Variants in CDH20 observed in about 807,000 individuals in gnomAD.
CDH20 encodes the protein cadherin 20.
In CDH20, 29 loss-of-function variants were observed where a neutral mutation model predicts 74.2. The ratio of observed to expected loss-of-function variants is 0.39; its 90% confidence interval spans 0.29 to 0.53. The LOEUF (loss-of-function observed/expected upper bound fraction) is 0.53, where lower values mean the gene tolerates loss of function less well. Among genes scored for constraint, CDH20 ranks in the 20% least tolerant of loss-of-function variants. The probability of loss-of-function intolerance (pLI) is 0.69; values close to 1 mark genes in which losing one functional copy is unlikely to be tolerated. For synonymous variants in CDH20, 469 were observed against 405.4 expected, an observed-to-expected ratio of 1.16 and a Z score of -1.88; for missense variants, 988 against 1,048.3, an observed-to-expected ratio of 0.94 and a Z score of 0.79.
At chr18:61,348,453 AC>A (rs1910203764) in intron 1 of CDH20, among the ~76,000 whole-genome samples, 2 of 152,062 alleles carry the variant, frequency 1.3e-5, no homozygotes, top group African/African-American at 2.4e-5. Flanking sequence ...TTTCTCTCCC[AC>A]CAGCTGAGTC....
chr18:61,415,504 A>C (rs1257764251), intron 1 of CDH20, among the ~76,000 whole-genome samples: 1 of 152,180 alleles, frequency 6.6e-6, no homozygotes, highest in Non-Finnish European at 1.5e-5. Flanking sequence ...GAATGAAAAT[A>C]CCATATTTTC....
chr18:61,482,445 G>T (rs988915664), intron 1 of CDH20, among the ~76,000 whole-genome samples: 3 of 152,190 alleles, frequency 2.0e-5, no homozygotes, highest in Admixed American at 2.0e-4. Context: ...TGTTTCAGAC[G>T]TCTGGCCAAT....
intron 7 of CDH20, 78 bp downstream of exon 7, chr18:61,528,298 C>G: frequency 6.9e-7 from 1 of 1,450,152 alleles, no homozygotes; most frequent in Non-Finnish European, 9.4e-7. Flanking sequence ...AGCACTTTTC[C>G]CTTTGTTTCT....
At position 61,441,498 on chromosome 18, in the gene CDH20, T is replaced by A. The variant is rs983584080; in HGVS notation, c.-152-48904T>A. Among the ~76,000 whole-genome samples, 21 of 152,324 alleles carry A rather than the reference T, an allele frequency of 1.4e-4. 1 individual carries two copies. In the South Asian group the frequency reaches 2.5e-3, roughly 18 times the overall value. On this transcript the variant is annotated intron_variant, in intron 1 of 11. Transcript: ENST00000262717. ...GCTTATCCAGATACTGTCCTTTTTATTAGGTGAACCAAATAAGCAATAAAT... is the reference window on the plus strand; with the variant it reads ...GCTTATCCAGATACTGTCCTTTTTAATAGGTGAACCAAATAAGCAATAAAT...
At chr18:61,356,753 CAAAAA>C (rs1392108565) in intron 1 of CDH20, among the ~76,000 whole-genome samples, 2 of 151,548 alleles carry the variant, frequency 1.3e-5, no homozygotes, top group Admixed American at 1.3e-4. Flanking sequence ...GCAAAGGAAA[CAAAAA>C]AGAGGGGAAA....
intron 6 of CDH20, 38 bp from the exon 7 acceptor site, chr18:61,527,929 C>T: frequency 6.2e-7 from 1 of 1,609,336 alleles, no homozygotes; most frequent in South Asian, 1.1e-5. Context: ...AATCTTGAAC[C>T]TCAGTGGCGA....
intron 1 of CDH20, among the ~76,000 whole-genome samples, chr18:61,349,668 A>G (rs1910241962): frequency 6.6e-6 from 1 of 152,076 alleles, no homozygotes; most frequent in East Asian, 1.9e-4. Flanking sequence ...TTCAAGCCAT[A>G]TCTCTCCTAA....
At chr18:61,530,723 T>C (rs1446803905) in intron 7 of CDH20, among the ~76,000 whole-genome samples, 5 of 152,226 alleles carry the variant, frequency 3.3e-5, no homozygotes, top group Admixed American at 2.6e-4. Flanking sequence ...GAATTTTTAA[T>C]ACATGCTCAA....
At chr18:61,494,022 G>T (rs1363720584) in intron 2 of CDH20, among the ~76,000 whole-genome samples, 5 of 152,124 alleles carry the variant, frequency 3.3e-5, no homozygotes, top group Non-Finnish European at 7.4e-5. Flanking sequence ...ACTATGTGTC[G>T]GTCACAATCA....
intron 9 of CDH20, among the ~76,000 whole-genome samples, chr18:61,543,630 CCA>C (rs932943546): frequency 3.3e-5 from 5 of 151,114 alleles, no homozygotes; most frequent in Admixed American, 2.6e-4. Context: ...TCTCCCCACT[CCA>C]GAGTTCTGCT....
At chr18:61,463,177 C>A (rs532910086) in intron 1 of CDH20, among the ~76,000 whole-genome samples, 3 of 152,250 alleles carry the variant, frequency 2.0e-5, no homozygotes, top group Non-Finnish European at 2.9e-5. Flanking sequence ...CCTCTGGGAT[C>A]CTTCTCGCTT....
At chr18:61,419,443 G>T (rs1171039959) in intron 1 of CDH20, among the ~76,000 whole-genome samples, 1 of 152,076 alleles carries the variant, frequency 6.6e-6, no homozygotes. Flanking sequence ...GTGTACAAAA[G>T]TTTTCAAAAT....
At chr18:61,452,690 C>T (rs1909434488) in intron 1 of CDH20, among the ~76,000 whole-genome samples, 1 of 150,584 alleles carries the variant, frequency 6.6e-6, no homozygotes, top group Non-Finnish European at 1.5e-5. Context: ...CTTTGAATTA[C>T]TTGTATTTTT....
At chr18:61,449,733 T>C (rs1356873137) in intron 1 of CDH20, among the ~76,000 whole-genome samples, 1 of 151,618 alleles carries the variant, frequency 6.6e-6, no homozygotes, top group Non-Finnish European at 1.5e-5. Context: ...TGTTGCTTAA[T>C]AAGACAGCCC....
intron 1 of CDH20, among the ~76,000 whole-genome samples, chr18:61,434,949 C>T (rs1032991792): frequency 1.3e-5 from 2 of 152,060 alleles, no homozygotes; most frequent in African/African-American, 4.8e-5. Context: ...TCCTAGAGTT[C>T]CTGTGTTTAC....
At chr18:61,529,184 C>T (rs1912555064) in intron 7 of CDH20, among the ~76,000 whole-genome samples, 1 of 152,176 alleles carries the variant, frequency 6.6e-6, no homozygotes, top group Non-Finnish European at 1.5e-5. Context: ...CCAAGGATGT[C>T]GGAAGCCATC....
intron 1 of CDH20, among the ~76,000 whole-genome samples, chr18:61,478,103 A>T (rs1256398304): frequency 6.6e-6 from 1 of 152,048 alleles, no homozygotes; most frequent in African/African-American, 2.4e-5. Flanking sequence ...GGAGGCTGAG[A>T]AAGAAGAATC....
intron 1 of CDH20, among the ~76,000 whole-genome samples, chr18:61,385,744 A>G (rs1322749003): frequency 6.6e-6 from 1 of 152,118 alleles, no homozygotes; most frequent in African/African-American, 2.4e-5. Flanking sequence ...CAGCTGGCCA[A>G]CATGGTGAAA....
intron 1 of CDH20, among the ~76,000 whole-genome samples, chr18:61,373,308 C>G (rs1911106006): frequency 6.6e-6 from 1 of 151,646 alleles, no homozygotes; most frequent in African/African-American, 2.4e-5. Flanking sequence ...TTTTAATTCT[C>G]TCCAATAAGA....
Sources: gnomAD v4.1 joint callset for allele counts (sites outside exome capture counted in the v4.1 genomes callset) on GRCh38, gnomAD v4.1.1 for gene constraint, MANE v1.5 for transcripts, NCBI Gene and HGNC (gene_info 2026-07-23, HGNC 2026-07-21) for gene names.